IGF1R: variants seen among roughly 807,000 people sequenced by gnomAD.
IGF1R encodes insulin like growth factor 1 receptor.
Under a neutral mutation model 144.6 loss-of-function variants are expected in IGF1R, and 44 were observed. That is an observed-to-expected ratio of 0.30 (90% CI 0.24 to 0.39). The LOEUF (loss-of-function observed/expected upper bound fraction) is 0.39. IGF1R is among the 10% of genes least tolerant of loss of function. The pLI, the probability that IGF1R is intolerant of heterozygous loss-of-function variation, is 1.00. For missense variants in IGF1R, 1,355 were observed against 1,833.7 expected, an observed-to-expected ratio of 0.74 and a Z score of 4.77; for synonymous variants, 795 against 722.8, an observed-to-expected ratio of 1.10 and a Z score of -1.60.
chr15:98,963,234 G>A lies in IGF1R; in HGVS notation c.*5792G>A, dbSNP rs529308220. ...ATCCATTTTTTTTTTTTTTTTTTAG[G>A]ACACCTGTTTACTAGCTAGCTTTAC... On this transcript the variant is annotated 3_prime_UTR_variant, in exon 21 of 21. Transcript: ENST00000650285. 31 of 214,094 alleles carry A rather than the reference G, an allele frequency of 1.4e-4. 1 individual carries two copies. The highest frequency in any genetic ancestry group is 6.8e-4 in the African/African-American group (27 of 39,868). 13.3% of individuals were successfully genotyped at this position (214,094 alleles called of 1,614,324 possible).
At chr15:98,665,059 G>T (rs1018397996) in intron 1 of IGF1R, among the ~76,000 whole-genome samples, 1 of 150,386 alleles carries the variant, frequency 6.6e-6, no homozygotes, top group Non-Finnish European at 1.5e-5. Context: ...CCGGGTTCAC[G>T]CCATTCTCCT....
At position 98,886,524 on chromosome 15, in the gene IGF1R, A is replaced by G. The variant is rs149096565; in HGVS notation, c.641-4801A>G. ...CTCTGTATATTTGTTAGTTTATAGC[A>G]GCTTCTATTTTCCTCCTATTTTTAA... On this transcript the variant is annotated intron_variant, in intron 2 of 20. Coordinates refer to ENST00000650285, the MANE Select transcript of IGF1R (RefSeq NM_000875.5). Among the ~76,000 whole-genome samples the G allele has an allele frequency of 2.9e-3, 436 of 152,294 alleles. 5 individuals carry two copies. Among genetic ancestry groups the G allele is most frequent in the African/African-American group, 9.9e-3 (413 of 41,566 alleles).
chr15:98,885,816 ATTTTTTT>A (rs3073979), intron 2 of IGF1R, among the ~76,000 whole-genome samples: 6 of 137,710 alleles, frequency 4.4e-5, no homozygotes, highest in African/African-American at 1.6e-4. Flanking sequence ...TGAGTCTCCT[ATTTTTTT>A]TTTTTTTTTG....
At chr15:98,841,483 T>A (rs1407480278) in intron 2 of IGF1R, among the ~76,000 whole-genome samples, 1 of 151,908 alleles carries the variant, frequency 6.6e-6, no homozygotes, top group Non-Finnish European at 1.5e-5. Flanking sequence ...AGAGAGAGAG[T>A]TAGTTTCCAG....
At chr15:98,831,532 C>T (rs2057001910) in intron 2 of IGF1R, among the ~76,000 whole-genome samples, 1 of 152,160 alleles carries the variant, frequency 6.6e-6, no homozygotes, top group African/African-American at 2.4e-5. Context: ...TCCCTTCCTT[C>T]CCCATGATCA....
intron 2 of IGF1R, among the ~76,000 whole-genome samples, chr15:98,739,612 GAA>G (rs142664588): frequency 3.8e-5 from 1 of 26,512 alleles, no homozygotes; most frequent in Admixed American, 2.6e-4. Flanking sequence ...TTGCTAAAAA[GAA>G]AAAAAAATTT....
At chr15:98,854,772 T>G (rs2011702807) in intron 2 of IGF1R, among the ~76,000 whole-genome samples, 1 of 152,206 alleles carries the variant, frequency 6.6e-6, no homozygotes, top group African/African-American at 2.4e-5. Context: ...AGACAAGCTT[T>G]GAGTGACACC....
At chr15:98,886,552 G>A (rs1400976431) in intron 2 of IGF1R, among the ~76,000 whole-genome samples, 2 of 152,104 alleles carry the variant, frequency 1.3e-5, no homozygotes, top group African/African-American at 4.8e-5. Context: ...ATTTTTAAAA[G>A]CTGAAATGCC....
rs373900935 is a variant in IGF1R at position 98,782,973 on chromosome 15, A to G, written c.640+74866A>G. 1.3e-4 allele frequency among the ~76,000 whole-genome samples: 20 copies of G among 152,368 alleles called. No individual in the cohort carries two copies. In the East Asian group the frequency reaches 3.7e-3, roughly 28 times the overall value. On this transcript the variant is annotated intron_variant, in intron 2 of 20. Coordinates refer to ENST00000650285, the MANE Select transcript of IGF1R (RefSeq NM_000875.5). ...TTTTGGAGCTGTGACTTCCTGATGA[A>G]GTGGCAGCACACAGGCTGAATATGT...
rs1463604094 is a variant in IGF1R, at chr15:98,963,619, G to A, written c.*6177G>A. The stretch of plus-strand genomic sequence containing the variant: ...GGGAAGACTTGACTGCACAGCCAAT[G>A]GTTTTCATGATGATTACAGCATACA... On this transcript the variant is annotated 3_prime_UTR_variant, in exon 21 of 21. Coordinates refer to ENST00000650285, the MANE Select transcript of IGF1R (RefSeq NM_000875.5). 8.6e-6 allele frequency: 2 copies of A among 233,244 alleles called. No individual in the cohort carries two copies. The highest frequency in any genetic ancestry group is 1.1e-4 in the Admixed American group (2 of 17,786). The allele number at this position is 233,244 out of a possible 1,614,324, so 14.4% of individuals were successfully genotyped here. A position where few individuals can be genotyped will look rare whatever the true frequency, so the allele number is the denominator to read the frequency against.
chr15:98,928,788 C>T (rs1317371736), intron 13 of IGF1R, among the ~76,000 whole-genome samples: 2 of 152,106 alleles, frequency 1.3e-5, no homozygotes, highest in African/African-American at 4.8e-5. Flanking sequence ...GTGCCTGGTG[C>T]CCAGCCTAGC....
At chr15:98,705,468 A>G (rs559186976) in intron 1 of IGF1R, among the ~76,000 whole-genome samples, 19 of 152,296 alleles carry the variant, frequency 1.2e-4, no homozygotes, top group Non-Finnish European at 7.4e-5. Context: ...TGACTTCCCC[A>G]AATCTGTTTC....
chr15:98,834,082 C>T (rs1000662784), intron 2 of IGF1R, among the ~76,000 whole-genome samples: 1 of 152,250 alleles, frequency 6.6e-6, no homozygotes, highest in South Asian at 2.1e-4. Context: ...CCCTTAATAT[C>T]CTCTCCTCTG....
intron 1 of IGF1R, among the ~76,000 whole-genome samples, chr15:98,692,524 A>G (rs1414421666): frequency 6.6e-6 from 1 of 152,128 alleles, no homozygotes; most frequent in Non-Finnish European, 1.5e-5. Context: ...AAAATATCTT[A>G]GTGTGCATTT....
intron 1 of IGF1R, among the ~76,000 whole-genome samples, chr15:98,680,013 G>A (rs1474247467): frequency 6.6e-6 from 1 of 151,746 alleles, no homozygotes; most frequent in Admixed American, 6.6e-5. Context: ...ATATATACAA[G>A]AACCAAAATT....
chr15:98,748,498 ATTTC>A (rs2054924850), intron 2 of IGF1R, among the ~76,000 whole-genome samples: 1 of 152,162 alleles, frequency 6.6e-6, no homozygotes, highest in Non-Finnish European at 1.5e-5. Context: ...ACACCTTTTA[ATTTC>A]TTTACTCATT....
intron 2 of IGF1R, among the ~76,000 whole-genome samples, chr15:98,851,617 C>T (rs2011532247): frequency 6.6e-6 from 1 of 152,168 alleles, no homozygotes; most frequent in South Asian, 2.1e-4. Context: ...CCAGGTGCTG[C>T]CCAATTTGGG....
rs1486461200 is a variant in IGF1R at position 98,810,662 on chromosome 15, C to T, written c.641-80663C>T. On this transcript the variant is annotated intron_variant, in intron 2 of 20. Coordinates refer to ENST00000650285, the MANE Select transcript of IGF1R (RefSeq NM_000875.5). ...CTCCCGGCTTCACGCCATTCTTCTG[C>T]CTCAACCTCCCAAGTAGCTGGGACT... Among the ~76,000 whole-genome samples, 5 of 151,850 alleles carry T rather than the reference C, an allele frequency of 3.3e-5. No individual in the cohort carries two copies. The East Asian group carries it at 5.9e-4, about 18-fold the overall frequency.
At position 98,956,148 on chromosome 15, in the gene IGF1R, C is replaced by T. The variant is rs1277317090; in HGVS notation, c.3723-913C>T. Reference sequence around the variant, plus strand: ...GCCGGCTTTCCTTGTCCACGTGTGGCCGGCTGTTTTCTTGGGGAGCCCCGG... The same window carrying T: ...GCCGGCTTTCCTTGTCCACGTGTGGTCGGCTGTTTTCTTGGGGAGCCCCGG... On this transcript the variant is annotated intron_variant, in intron 20 of 20. Transcript: ENST00000650285. Among the ~76,000 whole-genome samples, 4 of 152,238 alleles carry T rather than the reference C, an allele frequency of 2.6e-5. No homozygotes were observed. The South Asian group carries it at 8.3e-4, about 32-fold the overall frequency.
Sources: allele counts gnomAD v4.1 joint callset (sites outside exome capture counted in the v4.1 genomes callset), GRCh38; gene constraint gnomAD v4.1.1; transcripts MANE v1.5; gene names NCBI Gene and HGNC (gene_info 2026-07-23, HGNC 2026-07-21).